SPECC1L: variants seen among roughly 807,000 people sequenced by gnomAD.
SPECC1L encodes cytospin-A.
In SPECC1L, 40 loss-of-function variants were observed where a neutral mutation model predicts 116.8. The ratio of observed to expected loss-of-function variants is 0.34; its 90% CI spans 0.27 to 0.45. The LOEUF is 0.45. Ranked by LOEUF, SPECC1L falls within the 20% of genes least tolerant of loss-of-function variation. The pLI is 1.00. For synonymous variants in SPECC1L, 504 were observed against 500.6 expected (o/e 1.01, Z -0.09); for missense variants, 1,110 against 1,373.6 (o/e 0.81, Z 3.03).
At chr22:24,319,058 G>A (rs2040664542) in intron 4 of SPECC1L, among the ~76,000 whole-genome samples, 1 of 152,124 alleles carries the variant, frequency 6.6e-6, no homozygotes, top group African/African-American at 2.4e-5. Context: ...GCCCCTGAAT[G>A]TGGGACCTCT....
chr22:24,351,879 A>G (rs1275456551), intron 11 of SPECC1L, among the ~76,000 whole-genome samples: 1 of 152,162 alleles, frequency 6.6e-6, no homozygotes, highest in African/African-American at 2.4e-5. Context: ...CTGAAGTTTA[A>G]AAAGATGCTG....
At chr22:24,413,922 T>G (rs1285001079) in intron 16 of SPECC1L, among the ~76,000 whole-genome samples, 2 of 152,094 alleles carry the variant, frequency 1.3e-5, no homozygotes, top group African/African-American at 4.8e-5. Context: ...GCAGCAGCAG[T>G]GTGTCACTTT....
chr22:24,383,365 C>G (rs551667639), intron 14 of SPECC1L, among the ~76,000 whole-genome samples: 173 of 152,112 alleles, frequency 1.1e-3, no homozygotes, highest in Non-Finnish European at 2.1e-3. Context: ...TTACTGGAGG[C>G]CAAGAGTTCA....
At chr22:24,330,038 C>T (rs761901082) in intron 7 of SPECC1L, among the ~76,000 whole-genome samples, 3 of 152,132 alleles carry the variant, frequency 2.0e-5, no homozygotes, top group African/African-American at 2.4e-5. Flanking sequence ...GTAGGCAGAT[C>T]AGCTGGAAAA....
intron 14 of SPECC1L, among the ~76,000 whole-genome samples, chr22:24,373,760 C>A (rs1350752118): frequency 6.6e-6 from 1 of 152,008 alleles, no homozygotes; most frequent in African/African-American, 2.4e-5. Flanking sequence ...GCAACAAAAG[C>A]GAAAATTGAC....
At chr22:24,289,128 G>C (rs2049108675) in intron 2 of SPECC1L, among the ~76,000 whole-genome samples, 2 of 152,184 alleles carry the variant, frequency 1.3e-5, no homozygotes, top group Non-Finnish European at 2.9e-5. Flanking sequence ...CCAAGAGTCT[G>C]AGCATAAAGC....
At chr22:24,377,728 C>T (rs1227874402) in intron 14 of SPECC1L, among the ~76,000 whole-genome samples, 1 of 152,160 alleles carries the variant, frequency 6.6e-6, no homozygotes, top group Non-Finnish European at 1.5e-5. Context: ...ATCATTAGAG[C>T]TCCTGGCTGA....
intron 10 of SPECC1L, 23 bp downstream of exon 10, chr22:24,338,500 G>A (rs1245732692): frequency 1.2e-6 from 2 of 1,606,976 alleles, no homozygotes; most frequent in South Asian, 1.1e-5. Flanking sequence ...AACCACAGGA[G>A]GCTCTTAGAG....
chr22:24,290,143 CT>C (rs1299686728), intron 2 of SPECC1L, among the ~76,000 whole-genome samples: 1 of 152,234 alleles, frequency 6.6e-6, no homozygotes, highest in East Asian at 1.9e-4. Flanking sequence ...AGTCTTTCTC[CT>C]GTGGATTCAC....
chr22:24,288,312 C>T (rs955894102), intron 2 of SPECC1L, among the ~76,000 whole-genome samples: 1 of 151,952 alleles, frequency 6.6e-6, no homozygotes, highest in Non-Finnish European at 1.5e-5. Flanking sequence ...GATTCCTGGC[C>T]TCTTACACAC....
At chr22:24,352,145 T>C (rs1475674387) in intron 11 of SPECC1L, among the ~76,000 whole-genome samples, 1 of 152,160 alleles carries the variant, frequency 6.6e-6, no homozygotes, top group Non-Finnish European at 1.5e-5. Context: ...TTACCAGCAG[T>C]GGAATTAAAT....
chr22:24,346,346 C>T (rs1021973805), intron 10 of SPECC1L, among the ~76,000 whole-genome samples: 4 of 152,122 alleles, frequency 2.6e-5, no homozygotes, highest in East Asian at 1.9e-4. Flanking sequence ...AGAAGTCTGG[C>T]GATGATGCCA....
At chr22:24,410,548 A>G (rs191448408) in intron 14 of SPECC1L, among the ~76,000 whole-genome samples, 1 of 152,392 alleles carries the variant, frequency 6.6e-6, no homozygotes, top group East Asian at 1.9e-4. Context: ...CAATGCACAG[A>G]GGATCGAGGC....
At chr22:24,377,281 TG>T (rs1190675064) in intron 14 of SPECC1L, among the ~76,000 whole-genome samples, 2 of 152,082 alleles carry the variant, frequency 1.3e-5, no homozygotes, top group African/African-American at 4.8e-5. Context: ...CTTACACTTT[TG>T]GGGGGGTTAT....
At chr22:24,328,079 A>T (rs2040866673) in intron 6 of SPECC1L, among the ~76,000 whole-genome samples, 1 of 152,274 alleles carries the variant, frequency 6.6e-6, no homozygotes, top group South Asian at 2.1e-4. Flanking sequence ...GCACCCTCCT[A>T]AGTCATTTAT....
rs2041833784 is a variant in SPECC1L at position 24,369,471 on chromosome 22, G to A, written c.3087+151G>A. The stretch of plus-strand genomic sequence containing the variant: ...AATCCTAACACATTGGGAGGCTGAG[G>A]CAGATGGATCACTTGTGCCCAGGAG... On this transcript the variant is annotated intron_variant, in intron 14 of 16. Coordinates refer to ENST00000314328, the MANE Select transcript of SPECC1L (RefSeq NM_015330.6). 1.6e-5 allele frequency: 11 copies of A among 698,018 alleles called. No homozygotes were observed. In the Admixed American group the frequency reaches 2.1e-4, roughly 13 times the overall value. The allele number at this position is 698,018 out of a possible 1,614,324, so 43.2% of individuals were successfully genotyped here.
At chr22:24,295,516 A>G (rs990544904) in intron 2 of SPECC1L, among the ~76,000 whole-genome samples, 7 of 151,860 alleles carry the variant, frequency 4.6e-5, no homozygotes, top group Admixed American at 1.3e-4. Flanking sequence ...AATTAGTATG[A>G]TTACAACTAA....
chr22:24,338,412 C>T lies in SPECC1L; in HGVS notation c.2587C>T (p.Pro863Ser). 6.2e-7 allele frequency: 1 copy of T among 1,614,030 alleles called. No homozygotes were observed. The highest frequency in any genetic ancestry group is 8.5e-7 in the Non-Finnish European group (1 of 1,179,968). The change falls in exon 10 of 17, where the codon CCT becomes TCT. Residue 863 changes from proline to serine, a missense_variant. By Grantham distance (74) the Pro-to-Ser change is moderately conservative. Coordinates refer to ENST00000314328, the MANE Select transcript of SPECC1L (RefSeq NM_015330.6). ...ACCAAACCCTGCTGCAGCTGCAATT[C>T]CTCGAACGCCCCTGAGCCCAAGTCC... ...QVPNPAAAAIPRTPLSPSPMK... is the reference protein window; with the variant it reads ...QVPNPAAAAISRTPLSPSPMK...
intron 14 of SPECC1L, among the ~76,000 whole-genome samples, chr22:24,386,753 G>A (rs1441898020): frequency 2.6e-5 from 4 of 151,858 alleles, no homozygotes; most frequent in African/African-American, 4.8e-5. Flanking sequence ...ACAGGCGCCC[G>A]CCACCACACC....
Sources: allele counts gnomAD v4.1 joint callset (sites outside exome capture counted in the v4.1 genomes callset), GRCh38; gene constraint gnomAD v4.1.1; transcripts MANE v1.5; gene names NCBI Gene and HGNC (gene_info 2026-07-23, HGNC 2026-07-21).